The following SYNPO2 variants were observed in gnomAD, a reference collection of about 807,000 sequenced individuals.
The protein encoded by SYNPO2 is synaptopodin 2.
SYNPO2 carries 56 observed loss-of-function variants against 85.0 expected under a neutral mutation model. That is an observed-to-expected ratio of 0.66 (90% CI 0.53 to 0.82). SYNPO2 has a LOEUF of 0.82. Ranked by LOEUF, SYNPO2 falls within the 40% of genes least tolerant of loss-of-function variation. The pLI, the probability that SYNPO2 is intolerant of heterozygous loss-of-function variation, is 0.00. For missense variants in SYNPO2, 1,575 were observed against 1,534.2 expected (o/e 1.03, Z -0.44); for synonymous variants, 602 against 591.1 (o/e 1.02, Z -0.27).
intron 4 of SYNPO2, among the ~76,000 whole-genome samples, chr4:119,048,192 G>A (rs1454587837): frequency 1.3e-5 from 2 of 152,160 alleles, no homozygotes; most frequent in Non-Finnish European, 2.9e-5. Flanking sequence ...ACATGACTTG[G>A]GGTGCATATT....
chr4:119,036,321 A>T (rs1578667910), intron 4 of SYNPO2: 1 of 985,188 alleles, frequency 1.0e-6, no homozygotes, highest in East Asian at 1.1e-4. Flanking sequence ...GTTCATGAGA[A>T]AAAATATATA....
chr4:118,910,912 T>C (rs1239644796), intron 1 of SYNPO2, among the ~76,000 whole-genome samples: 1 of 152,240 alleles, frequency 6.6e-6, no homozygotes, highest in African/African-American at 2.4e-5. Context: ...TACTTTATTT[T>C]CTAAAATTGT....
At chr4:119,015,074 C>T (rs1007610913) in intron 1 of SYNPO2, among the ~76,000 whole-genome samples, 2 of 152,178 alleles carry the variant, frequency 1.3e-5, no homozygotes, top group Non-Finnish European at 2.9e-5. Flanking sequence ...TGATGTGATT[C>T]TTTCCAAAAT....
chr4:118,996,088 A>G (rs1307351610), intron 1 of SYNPO2, among the ~76,000 whole-genome samples: 1 of 152,128 alleles, frequency 6.6e-6, no homozygotes, highest in African/African-American at 2.4e-5. Flanking sequence ...CAAACTTTTC[A>G]TCCTCTCTCT....
At chr4:118,887,861 CA>C (rs1442342286), upstream of SYNPO2, among the ~76,000 whole-genome samples, 3 of 152,106 alleles carry the variant, frequency 2.0e-5, no homozygotes, top group African/African-American at 7.2e-5. Context: ...TTTGGTACCA[CA>C]AGTAACACAA....
chr4:118,986,309 G>A (rs1192715997), intron 1 of SYNPO2, among the ~76,000 whole-genome samples: 2 of 152,154 alleles, frequency 1.3e-5, no homozygotes, highest in Admixed American at 1.3e-4. Context: ...AACCATGAAT[G>A]TACAACTCAG....
At chr4:118,865,819 T>C (rs114667001) in intron 1 of SYNPO2, among the ~76,000 whole-genome samples, 4,879 of 152,292 alleles carry the variant, frequency 0.032, 132 homozygotes, top group Non-Finnish European at 0.051. Flanking sequence ...GATGCTCTTT[T>C]ATAATTAAGG....
intron 1 of SYNPO2, among the ~76,000 whole-genome samples, chr4:118,949,219 T>C (rs75197680): frequency 0.022 from 3,385 of 152,220 alleles, 120 homozygotes; most frequent in African/African-American, 0.077. Context: ...TAAACAGTTA[T>C]ACGGCAGATC....
chr4:118,884,063 T>C (rs1024695799), upstream of SYNPO2, among the ~76,000 whole-genome samples: 2 of 152,212 alleles, frequency 1.3e-5, no homozygotes, highest in Non-Finnish European at 2.9e-5. Flanking sequence ...CACAGAGGGT[T>C]TGTATCACAG....
chr4:119,051,250 C>T (rs1037663289), intron 4 of SYNPO2, among the ~76,000 whole-genome samples: 1 of 118,200 alleles, frequency 8.5e-6, no homozygotes, highest in Non-Finnish European at 1.6e-5. Context: ...AGTGCAGTGG[C>T]GGGATCTCGG....
chr4:118,932,588 G>A (rs1456533408), intron 1 of SYNPO2, among the ~76,000 whole-genome samples: 1 of 152,110 alleles, frequency 6.6e-6, no homozygotes, highest in Non-Finnish European at 1.5e-5. Flanking sequence ...GGTTAAACAA[G>A]AGGCCTTCAT....
chr4:119,056,346 A>C (rs1739203577), intron 4 of SYNPO2, among the ~76,000 whole-genome samples: 1 of 152,168 alleles, frequency 6.6e-6, no homozygotes, highest in African/African-American at 2.4e-5. Context: ...TGAGGCCAGG[A>C]GTCTAATACC....
intron 1 of SYNPO2, among the ~76,000 whole-genome samples, chr4:118,891,324 T>G (rs1560829695): frequency 6.6e-6 from 1 of 152,200 alleles, no homozygotes; most frequent in Non-Finnish European, 1.5e-5. Context: ...TTTGCCTTAA[T>G]TTTTGTGTGT....
chr4:118,877,862 C>A (rs891552361), intron 1 of SYNPO2, among the ~76,000 whole-genome samples: 1 of 152,094 alleles, frequency 6.6e-6, no homozygotes, highest in Non-Finnish European at 1.5e-5. Context: ...TGGGTATATA[C>A]CCAAAGGAAT....
chr4:118,875,588 A>G (rs1388875900), intron 1 of SYNPO2, among the ~76,000 whole-genome samples: 1 of 152,196 alleles, frequency 6.6e-6, no homozygotes, highest in Non-Finnish European at 1.5e-5. Flanking sequence ...TGCTTCCATT[A>G]TCTAGCATGT....
intron 1 of SYNPO2, among the ~76,000 whole-genome samples, chr4:118,996,522 G>A (rs1334225208): frequency 6.6e-6 from 1 of 152,146 alleles, no homozygotes; most frequent in Non-Finnish European, 1.5e-5. Flanking sequence ...CTCTCAAGGA[G>A]AGAGATACAC....
rs184413569 is a variant in SYNPO2 at position 119,050,257 on chromosome 4, G to A, written c.3253-7144G>A. Among the ~76,000 whole-genome samples the A allele has an allele frequency of 2.3e-4, 35 of 152,088 alleles. No homozygotes were observed. In the East Asian group the frequency reaches 5.6e-3, roughly 24 times the overall value. On this transcript the variant is annotated intron_variant, in intron 4 of 4. Transcript: ENST00000307142. ...TGAGGCAGGAGAATCACTTCAACCC[G>A]GGAGGCAGAGGTTGCAGTGAGCCAG... is the stretch of plus-strand genomic sequence containing the variant.
At chr4:118,945,870 C>T (rs147634145) in intron 1 of SYNPO2, among the ~76,000 whole-genome samples, 1,734 of 152,136 alleles carry the variant, frequency 0.011, 22 homozygotes, top group African/African-American at 0.039. Flanking sequence ...CTCAGCCTCC[C>T]GAGTAGCTAG....
chr4:118,855,556 A>T (rs138447139), intron 1 of SYNPO2, among the ~76,000 whole-genome samples: 1 of 152,278 alleles, frequency 6.6e-6, no homozygotes, highest in African/African-American at 2.4e-5. Flanking sequence ...GAAAGAGAAT[A>T]ATCAATTGAA....
Sources: gnomAD v4.1 joint callset for allele counts (sites outside exome capture counted in the v4.1 genomes callset) on GRCh38, gnomAD v4.1.1 for gene constraint, MANE v1.5 for transcripts, NCBI Gene and HGNC (gene_info 2026-07-23, HGNC 2026-07-21) for gene names.